ZC3H7B: variants seen among roughly 807,000 people sequenced by gnomAD.
ZC3H7B encodes the protein zinc finger CCCH-type containing 7B, also known as zinc finger CCCH domain-containing protein 7B.
A neutral mutation model predicts 116.0 loss-of-function variants in ZC3H7B; 35 were observed. The ratio of observed to expected loss-of-function variants is 0.30; its 90% CI spans 0.23 to 0.40. The LOEUF is 0.40. Among genes scored for constraint, ZC3H7B ranks in the 10% least tolerant of loss-of-function variants. The pLI is 1.00. For missense variants in ZC3H7B, 1,011 were observed against 1,321.5 expected, an observed-to-expected ratio of 0.77 and a Z score of 3.64; for synonymous variants, 502 against 545.6, an observed-to-expected ratio of 0.92 and a Z score of 1.11.
rs2036547892 is a variant in ZC3H7B, at chr22:41,343,488, G to A, written c.1371G>A (p.Arg457=). 6.2e-7 allele frequency: 1 copy of A among 1,613,834 alleles called. No homozygotes were observed. Among genetic ancestry groups the A allele is most frequent in the Non-Finnish European group, 8.5e-7 (1 of 1,179,912 alleles). The part of the protein sequence containing the change: ...HKCKRDILLG[R]LRSSEDQTWK... ...GCAAGCGGGACATCCTGCTCGGCCG[G>A]CTCCGGAGCTCGGAGGACCAGACCT... Residue 457 remains arginine, a synonymous_variant, in exon 13 of 23, where the codon CGG becomes CGA. Transcript: ENST00000352645.
chr22:41,320,539 G>A lies in ZC3H7B; in HGVS notation c.-6-116G>A. The A allele has an allele frequency of 5.9e-6, 7 of 1,189,410 alleles. No individual in the cohort carries two copies. The South Asian group carries it at 8.5e-5, about 14-fold the overall frequency. The allele number at this position is 1,189,410 out of a possible 1,614,324, so 73.7% of individuals were successfully genotyped here. On this transcript the variant is annotated intron_variant, in intron 1 of 22. Transcript: ENST00000352645. Reference sequence around the variant, plus strand: ...CCTCAGGGACACGCCTCCCGACATGGGGAAGGGAATGAGAGTGGGAGTGAG... The same window carrying A: ...CCTCAGGGACACGCCTCCCGACATGAGGAAGGGAATGAGAGTGGGAGTGAG...
rs2036623606 is a variant in ZC3H7B at position 41,349,031 on chromosome 22, G to A, written c.1767-89G>A. ...ATAGATCAGGGGGTGCCCAGGGAGA[G>A]CCTGGCACTGGGAAGGTGGCCCTAC... On this transcript the variant is annotated intron_variant, in intron 15 of 22. Coordinates refer to ENST00000352645, the MANE Select transcript of ZC3H7B (RefSeq NM_017590.6). The surrounding 1 kb of genome is among the most constrained non-coding windows in gnomAD (Gnocchi z 4.9). The A allele has an allele frequency of 7.1e-7, 1 of 1,406,532 alleles. No individual in the cohort carries two copies. Among genetic ancestry groups the A allele is most frequent in the Non-Finnish European group, 9.7e-7 (1 of 1,030,092 alleles). 87.1% of individuals were successfully genotyped at this position (1,406,532 alleles called of 1,614,324 possible).
At chr22:41,342,754 T>C in intron 12 of ZC3H7B, 126 bp downstream of exon 12, 2 of 971,216 alleles carry the variant, frequency 2.1e-6, no homozygotes, top group South Asian at 1.6e-5. Context: ...CAGAAGCCCC[T>C]CTGGGGCAGA....
In ZC3H7B at chr22:41,302,429, G is replaced by A. The variant is rs1189223102; in HGVS notation, c.-7+657G>A. On this transcript the variant is annotated intron_variant, in intron 1 of 22. Coordinates refer to ENST00000352645, the MANE Select transcript of ZC3H7B (RefSeq NM_017590.6). This position sits in a 1 kb window ranked among gnomAD's most constrained non-coding sequence, Gnocchi z 5.7. ...GCTGGGCAGGGGGGCGTTTCCGGTC[G>A]CAGGATCAGTCTCTGGACTTCGAGG... 6.6e-6 allele frequency among the ~76,000 whole-genome samples: 1 copy of A among 152,112 alleles called. No individual in the cohort carries two copies. Among genetic ancestry groups the A allele is most frequent in the East Asian group, 1.9e-4 (1 of 5,180 alleles).
chr22:41,322,836 T>C (rs919497164), intron 2 of ZC3H7B, among the ~76,000 whole-genome samples: 26 of 152,298 alleles, frequency 1.7e-4, no homozygotes, highest in Admixed American at 3.3e-4. Context: ...CTCCCTGTGT[T>C]GCCCAGGCAG....
chr22:41,305,625 C>G lies in ZC3H7B; in HGVS notation c.-7+3853C>G, dbSNP rs994256963. ...CCTAAACTGGCTCTGTATCCCAGGG[C>G]CCCGAGGGGCTGGACCAGTGAAAGC... On this transcript the variant is annotated intron_variant, in intron 1 of 22. Transcript: ENST00000352645. Among the ~76,000 whole-genome samples the G allele has an allele frequency of 6.6e-5, 10 of 152,142 alleles. No individual in the cohort carries two copies. The South Asian group carries it at 1.5e-3, about 22-fold the overall frequency.
In ZC3H7B at chr22:41,349,218, G is replaced by C; in HGVS notation, c.1865G>C (p.Arg622Pro). 1 of 1,613,706 alleles carries C rather than the reference G, an allele frequency of 6.2e-7. No homozygotes were observed. The highest frequency in any genetic ancestry group is 8.5e-7 in the Non-Finnish European group (1 of 1,180,012). The part of the protein sequence containing the change: ...FQFDVCRHEV[R>P]YGCLREDSCH... The stretch of plus-strand genomic sequence containing the variant: ...TTCGACGTGTGCCGCCATGAGGTGC[G>C]CTACGGCTGCCTGCGGGAGGACAGC... Residue 622 changes from arginine to proline, a missense_variant, in exon 16 of 23, where the codon CGC (arginine) becomes CCC (proline). This residue lies in a region of ZC3H7B where 406 missense variants were observed against 590.2 expected (regional missense o/e 0.69). Transcript: ENST00000352645. This position sits in a 1 kb window ranked among gnomAD's most constrained non-coding sequence, Gnocchi z 4.9.
chr22:41,319,666 G>A (rs1457876794), intron 1 of ZC3H7B, among the ~76,000 whole-genome samples: 2 of 151,116 alleles, frequency 1.3e-5, no homozygotes, highest in Non-Finnish European at 2.9e-5. Context: ...TTAATTGCGT[G>A]TATCCTTCCT....
At position 41,307,725 on chromosome 22, in the gene ZC3H7B, C is replaced by T. The variant is rs1251298957; in HGVS notation, c.-7+5953C>T. On this transcript the variant is annotated intron_variant, in intron 1 of 22. Transcript: ENST00000352645. ...CTCTTATTGAATCCACTTAACAGCT[C>T]TTCAAGACCAGAGCAATCATTGGCA... is the stretch of plus-strand genomic sequence containing the variant. Among the ~76,000 whole-genome samples the T allele has an allele frequency of 2.0e-5, 3 of 152,174 alleles. No homozygotes were observed. In the East Asian group the frequency reaches 5.8e-4, roughly 29 times the overall value.
In ZC3H7B at chr22:41,346,229, G is replaced by C. The variant is rs1291871398; in HGVS notation, c.1665+21G>C. The C allele has an allele frequency of 6.2e-7, 1 of 1,604,984 alleles. No homozygotes were observed. The highest frequency in any genetic ancestry group is 8.5e-7 in the Non-Finnish European group (1 of 1,179,098). On this transcript the variant is annotated intron_variant, in intron 14 of 22. Coordinates refer to ENST00000352645, the MANE Select transcript of ZC3H7B (RefSeq NM_017590.6). The surrounding 1 kb of genome is among the most constrained non-coding windows in gnomAD (Gnocchi z 5.3). ...GCGAGGTACTGCCCACCCACCCACTGCCACCCCATAGGCCATGGCACAGAC... is the reference window on the plus strand; with the variant it reads ...GCGAGGTACTGCCCACCCACCCACTCCCACCCCATAGGCCATGGCACAGAC...
chr22:41,309,037 A>C (rs1601760410), intron 1 of ZC3H7B, among the ~76,000 whole-genome samples: 1 of 63,810 alleles, frequency 1.6e-5, no homozygotes, highest in Admixed American at 3.2e-4. Context: ...TTTGAGACGG[A>C]GTTTCGCTCT....
intron 1 of ZC3H7B, among the ~76,000 whole-genome samples, chr22:41,318,388 G>C (rs1001620352): frequency 2.0e-5 from 3 of 152,082 alleles, no homozygotes; most frequent in Non-Finnish European, 4.4e-5. Context: ...AATTAGCCGG[G>C]TGTGGTGGCA....
chr22:41,352,236 G>A (rs974989791), intron 17 of ZC3H7B, among the ~76,000 whole-genome samples: 6 of 152,208 alleles, frequency 3.9e-5, no homozygotes, highest in African/African-American at 1.4e-4. Flanking sequence ...CCATCCCTCT[G>A]GGCTCGTGTG....
At chr22:41,331,593 G>A (rs886317699) in intron 6 of ZC3H7B, among the ~76,000 whole-genome samples, 7 of 151,304 alleles carry the variant, frequency 4.6e-5, no homozygotes, top group South Asian at 2.1e-4. Flanking sequence ...CAAATGGGCC[G>A]GGTGCAGTGG....
intron 18 of ZC3H7B, 44 bp from the exon 19 acceptor site, chr22:41,355,713 C>A (rs746967845): frequency 1.2e-6 from 2 of 1,612,382 alleles, no homozygotes; most frequent in South Asian, 1.1e-5. Flanking sequence ...ACACAGCACA[C>A]AGGCTGTGCC....
chr22:41,307,650 T>G (rs758816769), intron 1 of ZC3H7B, among the ~76,000 whole-genome samples: 1 of 152,194 alleles, frequency 6.6e-6, no homozygotes, highest in Non-Finnish European at 1.5e-5. Context: ...AGCCCCCATA[T>G]GGTTAACACC....
Position 41,355,459 on chromosome 22 carries a change from C to T in ZC3H7B, c.2035-10C>T. On this transcript the variant is annotated splice_polypyrimidine_tract_variant and intron_variant, in intron 17 of 22. Transcript: ENST00000352645. ...CAGCTTCACCAACCCCCCTCCCCAT[C>T]CCCCCACAGGGTGCTCCGAGGACAC... 1 of 1,613,314 alleles carries T rather than the reference C, an allele frequency of 6.2e-7. No individual in the cohort carries two copies.
chr22:41,320,511 C>A, intron 1 of ZC3H7B, 144 bp from the exon 2 acceptor site: 2 of 895,864 alleles, frequency 2.2e-6, no homozygotes, highest in Non-Finnish European at 3.7e-6. Context: ...GGGTGGTCAT[C>A]GCCCTCAGGG....
At chr22:41,329,090 C>T (rs1419762682) in intron 5 of ZC3H7B, among the ~76,000 whole-genome samples, 1 of 148,692 alleles carries the variant, frequency 6.7e-6, no homozygotes, top group East Asian at 2.0e-4. Context: ...CCTGTAATCC[C>T]AGCTACGCGA....
Sources: allele counts gnomAD v4.1 joint callset (sites outside exome capture counted in the v4.1 genomes callset), GRCh38; gene constraint gnomAD v4.1.1; regional missense constraint gnomAD v4.1.1; non-coding constraint Gnocchi (gnomAD v3.1); transcripts MANE v1.5; gene names NCBI Gene and HGNC (gene_info 2026-07-23, HGNC 2026-07-21).